FGF6: variants seen among roughly 807,000 people sequenced by gnomAD.
FGF6 encodes the protein fibroblast growth factor 6.
A neutral mutation model predicts 18.4 loss-of-function variants in FGF6; 14 were observed. The observed-to-expected ratio is 0.76, with a 90% CI of 0.50 to 1.19. The LOEUF is 1.19. Among genes scored for constraint, FGF6 ranks in the 50% most tolerant of loss-of-function variants. The probability of loss-of-function intolerance (pLI) is 0.00; values close to 1 mark genes in which losing one functional copy is unlikely to be tolerated. For synonymous variants in FGF6, 125 were observed against 116.7 expected, an observed-to-expected ratio of 1.07 and a Z score of -0.46; for missense variants, 266 against 271.6, an observed-to-expected ratio of 0.98 and a Z score of 0.15.
chr12:4,435,674 A>G (rs867727316), intron 2 of FGF6, among the ~76,000 whole-genome samples: 6 of 152,298 alleles, frequency 3.9e-5, no homozygotes, highest in African/African-American at 1.4e-4. Flanking sequence ...GGCCCTTTCC[A>G]TGCTAATTTT....
At chr12:4,435,361 G>A (rs575668811) in intron 2 of FGF6, among the ~76,000 whole-genome samples, 1 of 152,182 alleles carries the variant, frequency 6.6e-6, no homozygotes, top group African/African-American at 2.4e-5. Context: ...AACTTTGCAT[G>A]TGAGGGATCT....
chr12:4,442,886 C>G (rs11610220), intron 2 of FGF6, among the ~76,000 whole-genome samples: 32,455 of 152,218 alleles, frequency 0.21, 3,717 homozygotes, highest in Middle Eastern at 0.28. Context: ...CCAAGCCTGC[C>G]TGTTCCTCAG....
rs542608820 is a variant in FGF6 at position 4,434,329 on chromosome 12, G to A, written c.513C>T (p.Tyr171=). 4.8e-5 allele frequency: 78 copies of A among 1,614,158 alleles called. No individual in the cohort carries two copies. The East Asian group carries it at 9.8e-4, about 20-fold the overall frequency. ...AGGTCCCTTGGTACAAGTCTGACTC[G>A]TAGGCATTGTAATTGTTGGGCAGGA... ...ETLLPNNYNA[Y]ESDLYQGTYI... is the part of the protein sequence containing the mutation. Residue 171 remains tyrosine, a synonymous_variant, in exon 3 of 3, where the codon TAC becomes TAT. Transcript: ENST00000228837.
chr12:4,441,321 C>T (rs534250721), intron 2 of FGF6, among the ~76,000 whole-genome samples: 62 of 152,262 alleles, frequency 4.1e-4, no homozygotes, highest in Middle Eastern at 3.4e-3. Flanking sequence ...AACTGGAACT[C>T]GGGTCGCGGA....
In FGF6 at chr12:4,440,130, T is replaced by C. The variant is rs577513557; in HGVS notation, c.450+4003A>G. Among the ~76,000 whole-genome samples, 179 of 152,338 alleles carry C rather than the reference T, an allele frequency of 1.2e-3. 1 individual carries two copies. The highest frequency in any genetic ancestry group is 4.1e-3 in the African/African-American group (169 of 41,574). On this transcript the variant is annotated intron_variant, in intron 2 of 2. Transcript: ENST00000228837. ...CAGCTACTGTATATGATTACTTGAATAAATGAAAATCATTCCACTGGGTCA... is the reference window on the plus strand; with the variant it reads ...CAGCTACTGTATATGATTACTTGAACAAATGAAAATCATTCCACTGGGTCA...
intron 1 of FGF6, 109 bp from the exon 2 acceptor site, chr12:4,444,345 T>G (rs1445565007): frequency 4.2e-6 from 3 of 708,112 alleles, no homozygotes; most frequent in Admixed American, 2.2e-5. Flanking sequence ...AAAGCCAGAC[T>G]CTCCATTGCC....
In FGF6 at chr12:4,438,137, A is replaced by C. The variant is rs78150704; in HGVS notation, c.451-3746T>G. ...TCCCAGGAAAAGAACTATCAATGGC[A>C]TTTGAGCAGAAGAGAATATGCCTAA... On this transcript the variant is annotated intron_variant, in intron 2 of 2. Transcript: ENST00000228837. 4.4e-4 allele frequency among the ~76,000 whole-genome samples: 67 copies of C among 152,356 alleles called. No individual in the cohort carries two copies. In the East Asian group the frequency reaches 9.6e-3, roughly 22 times the overall value.
At chr12:4,434,684 C>T (rs1044696364) in intron 2 of FGF6, among the ~76,000 whole-genome samples, 2 of 152,154 alleles carry the variant, frequency 1.3e-5, no homozygotes, top group African/African-American at 4.8e-5. Flanking sequence ...TGAGGCTCTA[C>T]CACTCAGGTG....
At chr12:4,435,386 T>C (rs1014901629) in intron 2 of FGF6, among the ~76,000 whole-genome samples, 22 of 152,152 alleles carry the variant, frequency 1.4e-4, no homozygotes, top group Non-Finnish European at 2.5e-4. Context: ...TGCCTGCTCC[T>C]TCTGAGAATC....
intron 2 of FGF6, among the ~76,000 whole-genome samples, chr12:4,443,212 C>T (rs1288216170): frequency 1.3e-5 from 2 of 152,198 alleles, no homozygotes; most frequent in Non-Finnish European, 2.9e-5. Flanking sequence ...GACCCAGTGC[C>T]AGTCCTGGAT....
intron 2 of FGF6, among the ~76,000 whole-genome samples, chr12:4,436,700 C>T (rs1354745387): frequency 3.3e-5 from 5 of 152,152 alleles, no homozygotes; most frequent in Admixed American, 6.5e-5. Context: ...GTGATGTGAG[C>T]GTGGGTGAGG....
At chr12:4,440,029 C>T (rs1273456861) in intron 2 of FGF6, among the ~76,000 whole-genome samples, 2 of 152,232 alleles carry the variant, frequency 1.3e-5, no homozygotes, top group Admixed American at 1.3e-4. Flanking sequence ...TTTGAGTTCT[C>T]ATGGCTTGGG....
At chr12:4,435,589 G>A (rs922388758) in intron 2 of FGF6, among the ~76,000 whole-genome samples, 24 of 152,168 alleles carry the variant, frequency 1.6e-4, no homozygotes, top group Admixed American at 1.2e-3. Flanking sequence ...TGAGGAGCAG[G>A]AATTTTTATG....
In FGF6 at chr12:4,434,289, T is replaced by C; in HGVS notation, c.553A>G (p.Lys185Glu). ...LYQGTYIALS[K>E]YGRVKRGSKV... ...CTGCCCCGCTTTACCCGTCCGTATT[T>C]GCTCAGGGCAATGTAGGTCCCTTGG... Residue 185 changes from lysine (K) to glutamate (E), a missense_variant, in exon 3 of 3, where the codon AAA becomes GAA. Coordinates refer to ENST00000228837, the MANE Select transcript of FGF6 (RefSeq NM_020996.3). 1 of 1,614,222 alleles carries C rather than the reference T, an allele frequency of 6.2e-7. No individual in the cohort carries two copies. Among genetic ancestry groups the C allele is most frequent in the Non-Finnish European group, 8.5e-7 (1 of 1,180,040 alleles).
intron 2 of FGF6, among the ~76,000 whole-genome samples, chr12:4,440,272 G>A (rs1307475373): frequency 6.6e-6 from 1 of 152,194 alleles, no homozygotes; most frequent in Non-Finnish European, 1.5e-5. Flanking sequence ...TTTCTCAGAG[G>A]AGCAAGCATA....
chr12:4,441,154 G>A (rs1363720613), intron 2 of FGF6, among the ~76,000 whole-genome samples: 3 of 152,220 alleles, frequency 2.0e-5, no homozygotes, highest in Admixed American at 6.5e-5. Context: ...GTCAGGTGGA[G>A]ATCCTTGATA....
In FGF6 at chr12:4,445,412, G is replaced by T; in HGVS notation, c.159C>A (p.Gly53=). The part of the protein sequence containing the change: ...RANNTLLDSR[G]WGTLLSRSRA... ...GAGACCTGGACAGCAGGGTGCCCCA[G>T]CCCCTCGAGTCCAGCAGCGTGTTGT... Residue 53 remains glycine, a synonymous_variant, in exon 1 of 3, where the codon GGC becomes GGA. Coordinates refer to ENST00000228837, the MANE Select transcript of FGF6 (RefSeq NM_020996.3). This position sits in a 1 kb window ranked among gnomAD's most constrained non-coding sequence, Gnocchi z 5.5. 6.2e-7 allele frequency: 1 copy of T among 1,613,476 alleles called. No homozygotes were observed. The highest frequency in any genetic ancestry group is 8.5e-7 in the Non-Finnish European group (1 of 1,179,980).
At position 4,434,407 on chromosome 12, in the gene FGF6, G is replaced by A; in HGVS notation, c.451-16C>T. On this transcript the variant is annotated splice_polypyrimidine_tract_variant and intron_variant, in intron 2 of 2. Coordinates refer to ENST00000228837, the MANE Select transcript of FGF6 (RefSeq NM_020996.3). ...GGAAGCTGGGCTGTGGAAGACATGG[G>A]CAAACAGCAGAGACTGGGTTACAAA... is the stretch of plus-strand genomic sequence containing the variant. 2 of 1,613,900 alleles carry A rather than the reference G, an allele frequency of 1.2e-6. No homozygotes were observed. The highest frequency in any genetic ancestry group is 2.2e-5 in the East Asian group (1 of 44,878).
intron 2 of FGF6, 91 bp from the exon 3 acceptor site, chr12:4,434,482 C>T (rs1865605939): frequency 8.2e-7 from 1 of 1,220,944 alleles, no homozygotes; most frequent in East Asian, 2.3e-5. Flanking sequence ...GGCCCCTCTG[C>T]CAGGTGCCCT....
Sources: allele counts gnomAD v4.1 joint callset (sites outside exome capture counted in the v4.1 genomes callset), GRCh38; gene constraint gnomAD v4.1.1; non-coding constraint Gnocchi (gnomAD v3.1); transcripts MANE v1.5; gene names NCBI Gene and HGNC (gene_info 2026-07-23, HGNC 2026-07-21).